Variants in UGT2A1 observed in about 807,000 individuals in gnomAD.
The protein encoded by UGT2A1 is UDP glucuronosyltransferase family 2 member A1 complex locus, also known as UDP-glucuronosyltransferase 2A1.
In UGT2A1, 61 loss-of-function variants were observed where a neutral mutation model predicts 45.4. That is an observed-to-expected ratio of 1.34 (90% confidence interval 1.09 to 1.66). The LOEUF is 1.66. UGT2A1 is among the 40% of genes most tolerant of loss of function. UGT2A1 has a pLI of 0.00. For synonymous variants in UGT2A1, 229 were observed against 196.2 expected, an observed-to-expected ratio of 1.17 and a Z score of -1.40; for missense variants, 649 against 574.3, an observed-to-expected ratio of 1.13 and a Z score of -1.33.
At chr4:69,649,689 T>TA (rs1184624997) in intron 1 of UGT2A1, among the ~76,000 whole-genome samples, 1 of 152,062 alleles carries the variant, frequency 6.6e-6, no homozygotes, top group African/African-American at 2.4e-5. Flanking sequence ...AAAAGACATA[T>TA]ACATATACAT....
At chr4:69,639,563 A>C (rs1372696013) in intron 2 of UGT2A1, 1 of 1,612,014 alleles carries the variant, frequency 6.2e-7, no homozygotes, top group South Asian at 1.1e-5. Context: ...CACTTAGAAC[A>C]ACTTCAGTCA....
intron 3 of UGT2A1, among the ~76,000 whole-genome samples, chr4:69,633,747 T>A (rs182947386): frequency 6.6e-6 from 1 of 151,994 alleles, no homozygotes; most frequent in Non-Finnish European, 1.5e-5. Context: ...TCAAGGAAAA[T>A]TGATCCATGG....
intron 3 of UGT2A1, among the ~76,000 whole-genome samples, chr4:69,634,321 A>T (rs942002471): frequency 6.6e-6 from 1 of 152,068 alleles, no homozygotes; most frequent in African/African-American, 2.4e-5. Context: ...GGAAAGCTAC[A>T]TATAAGAAGG....
At chr4:69,651,585 G>A (rs1289636633) in intron 1 of UGT2A1, among the ~76,000 whole-genome samples, 1 of 152,136 alleles carries the variant, frequency 6.6e-6, no homozygotes, top group Non-Finnish European at 1.5e-5. Flanking sequence ...TAGGCATTAG[G>A]AATGTCAGGT....
chr4:69,634,370 C>G (rs1467840308), intron 3 of UGT2A1, among the ~76,000 whole-genome samples: 1 of 151,966 alleles, frequency 6.6e-6, no homozygotes, highest in Non-Finnish European at 1.5e-5. Flanking sequence ...AACAGAAACT[C>G]CAAGTTTTCC....
chr4:69,596,282 TAA>T (rs756838376), intron 4 of UGT2A1: 56 of 1,606,340 alleles, frequency 3.5e-5, no homozygotes, highest in Non-Finnish European at 4.8e-5. Context: ...GCTGAGGCAA[TAA>T]GATTGGCCTT....
At chr4:69,639,091 G>C (rs766135364) in intron 2 of UGT2A1, 1 of 1,613,456 alleles carries the variant, frequency 6.2e-7, no homozygotes, top group African/African-American at 1.3e-5. Context: ...GTTGATGCTG[G>C]AGAGAACCTC....
Position 69,647,467 on chromosome 4 carries a change from A to G in UGT2A1, c.178T>C (p.Phe60Leu), listed in dbSNP as rs1722330909. The G allele has an allele frequency of 1.9e-6, 3 of 1,612,944 alleles. No individual in the cohort carries two copies. The highest frequency in any genetic ancestry group is 2.5e-6 in the Non-Finnish European group (3 of 1,179,394). The change falls in exon 2 of 7, where the codon TTC becomes CTC. Residue 60 changes from phenylalanine to leucine, a missense_variant. By Grantham distance (22) the Phe-to-Leu change is conservative. Transcript: ENST00000286604. ...GATGGGTTAGAGGTTGGTGTGATGAAAAGTGCACCAGAGGCAACTAGGACA... is the reference window on the plus strand; with the variant it reads ...GATGGGTTAGAGGTTGGTGTGATGAGAAGTGCACCAGAGGCAACTAGGACA... Reference protein sequence around the residue: ...VTVLVASGALFITPTSNPSLT... With the variant: ...VTVLVASGALLITPTSNPSLT...
chr4:69,590,311 C>A (rs1718514797), intron 6 of UGT2A1, among the ~76,000 whole-genome samples: 1 of 152,178 alleles, frequency 6.6e-6, no homozygotes, highest in Non-Finnish European at 1.5e-5. Flanking sequence ...AACTTGCCAT[C>A]ACAATAGAGA....
intron 3 of UGT2A1, among the ~76,000 whole-genome samples, chr4:69,607,940 C>T (rs546701626): frequency 6.6e-6 from 1 of 151,906 alleles, no homozygotes; most frequent in Non-Finnish European, 1.5e-5. Flanking sequence ...GAGAGGATGT[C>T]GAGAAATAGG....
chr4:69,647,609 T>C lies in UGT2A1; in HGVS notation c.36A>G (p.Ile12Met). ...CACCAAGAGTGGTTCCTATGAGACTTATCTGAAGGGAGAACAGCAGAAGGT... is the reference window on the plus strand; with the variant it reads ...CACCAAGAGTGGTTCCTATGAGACTCATCTGAAGGGAGAACAGCAGAAGGT... Reference protein sequence around the residue: ...LNNLLLFSLQISLIGTTLGGN... With the variant: ...LNNLLLFSLQMSLIGTTLGGN... Residue 12 changes from isoleucine (I) to methionine (M), a missense_variant, in exon 2 of 7, where the codon ATA becomes ATG. By Grantham distance (10) the Ile-to-Met change is conservative. Transcript: ENST00000286604. 6.2e-7 allele frequency: 1 copy of C among 1,601,116 alleles called. No individual in the cohort carries two copies. Among genetic ancestry groups the C allele is most frequent in the African/African-American group, 1.3e-5 (1 of 74,444 alleles).
At chr4:69,643,661 T>C (rs1431932209) in intron 2 of UGT2A1, among the ~76,000 whole-genome samples, 1 of 151,582 alleles carries the variant, frequency 6.6e-6, no homozygotes, top group Non-Finnish European at 1.5e-5. Context: ...ACATTATAAA[T>C]ACCCAATTTC....
chr4:69,638,985 A>T (rs754942751), intron 2 of UGT2A1: 4 of 1,613,108 alleles, frequency 2.5e-6, no homozygotes, highest in Non-Finnish European at 3.4e-6. Context: ...GGTATTTTTA[A>T]TCCTTTCACC....
chr4:69,650,681 A>C (rs901110362), intron 1 of UGT2A1, among the ~76,000 whole-genome samples: 1 of 152,154 alleles, frequency 6.6e-6, no homozygotes, highest in Non-Finnish European at 1.5e-5. Flanking sequence ...GTATTTATTA[A>C]GCAACAAGTA....
chr4:69,639,246 A>G, intron 2 of UGT2A1: 1 of 1,613,662 alleles, frequency 6.2e-7, no homozygotes. Context: ...ACAGAGTTGT[A>G]TGTTAATTTG....
chr4:69,598,278 C>A (rs1278273685), intron 4 of UGT2A1, among the ~76,000 whole-genome samples: 1 of 152,094 alleles, frequency 6.6e-6, no homozygotes, highest in East Asian at 1.9e-4. Flanking sequence ...GAACCTGCAA[C>A]TTTCTAAAAA....
intron 3 of UGT2A1, among the ~76,000 whole-genome samples, chr4:69,634,473 T>G (rs1279161889): frequency 6.6e-6 from 1 of 152,004 alleles, no homozygotes; most frequent in Non-Finnish European, 1.5e-5. Flanking sequence ...GAAAAGAAAC[T>G]ATAGTTGAAA....
intron 3 of UGT2A1, among the ~76,000 whole-genome samples, chr4:69,602,774 A>G (rs536526958): frequency 2.2e-5 from 3 of 137,718 alleles, no homozygotes; most frequent in Non-Finnish European, 4.6e-5. Flanking sequence ...TAACTTGTTC[A>G]CAGATAAGAA....
intron 2 of UGT2A1, among the ~76,000 whole-genome samples, chr4:69,638,296 G>T (rs1366375204): frequency 1.3e-5 from 2 of 152,062 alleles, no homozygotes; most frequent in African/African-American, 4.8e-5. Context: ...ATCAGGACTG[G>T]CCTTGATGGT....
Sources: allele counts gnomAD v4.1 joint callset (sites outside exome capture counted in the v4.1 genomes callset), GRCh38; gene constraint gnomAD v4.1.1; transcripts MANE v1.5; gene names NCBI Gene and HGNC (gene_info 2026-07-23, HGNC 2026-07-21).